NEIL2: variants seen among roughly 807,000 people sequenced by gnomAD.
NEIL2 encodes the protein nei like DNA glycosylase 2.
A neutral mutation model predicts 22.2 loss-of-function variants in NEIL2; 23 were observed. The observed-to-expected ratio is 1.04, with a 90% CI of 0.75 to 1.47. The LOEUF is 1.47. NEIL2 is among the 40% of genes most tolerant of loss of function. The probability of loss-of-function intolerance (pLI) is 0.00; values close to 1 mark genes in which losing one functional copy is unlikely to be tolerated. For synonymous variants in NEIL2, 229 were observed against 164.8 expected (o/e 1.39, Z -2.99); for missense variants, 583 against 404.7 (o/e 1.44, Z -3.78).
chr8:11,771,511 G>C lies in NEIL2; in HGVS notation c.64G>C (p.Val22Leu), dbSNP rs376675735. ...HLVSPFVGQQ[V>L]VKTGGSSKKL... ...GGTCTCCCCCTTTGTGGGTCAGCAG[G>C]TGGTCAAGACAGGGGGCAGCAGTAA... Residue 22 changes from valine to leucine, a missense_variant, in exon 2 of 5, where the codon GTG (valine) becomes CTG (leucine). By Grantham distance (32) the Val-to-Leu change is conservative. Coordinates refer to ENST00000284503, the MANE Select transcript of NEIL2 (RefSeq NM_145043.4). 1.9e-5 allele frequency: 31 copies of C among 1,614,154 alleles called. No individual in the cohort carries two copies. The African/African-American group carries it at 3.9e-4, about 20-fold the overall frequency.
chr8:11,783,423 A>G (rs1804623452), intron 4 of NEIL2, 24 bp downstream of exon 4: 1 of 1,603,190 alleles, frequency 6.2e-7, no homozygotes, highest in Non-Finnish European at 8.5e-7. Context: ...GAAAGGGGTG[A>G]GTCCACAGAG....
chr8:11,775,177 A>C (rs1387415501), intron 2 of NEIL2, among the ~76,000 whole-genome samples: 2 of 152,174 alleles, frequency 1.3e-5, no homozygotes, highest in Non-Finnish European at 2.9e-5. Flanking sequence ...CCTGCAGCAC[A>C]CCTCTGCCTG....
At chr8:11,783,124 G>A (rs1804583725) in intron 3 of NEIL2, 79 bp from the exon 4 acceptor site, 2 of 1,234,660 alleles carry the variant, frequency 1.6e-6, no homozygotes, top group Admixed American at 3.4e-5. Context: ...GTGTGTATGT[G>A]TGTATGACCC....
chr8:11,780,450 G>A (rs563384882), intron 3 of NEIL2, among the ~76,000 whole-genome samples: 5 of 152,216 alleles, frequency 3.3e-5, no homozygotes, highest in South Asian at 2.1e-4. Flanking sequence ...GCACGATCTC[G>A]CCTCACTGCA....
chr8:11,774,346 C>G (rs924313052), intron 2 of NEIL2, among the ~76,000 whole-genome samples: 3 of 152,090 alleles, frequency 2.0e-5, no homozygotes, highest in Admixed American at 1.3e-4. Flanking sequence ...GCGCTCCAGC[C>G]TCAGCAACAG....
rs1279000713 is a variant in NEIL2, at chr8:11,776,154, C to G, written c.139-3444C>G. 2.0e-5 allele frequency among the ~76,000 whole-genome samples: 3 copies of G among 152,150 alleles called. No individual in the cohort carries two copies. The East Asian group carries it at 5.8e-4, about 29-fold the overall frequency. On this transcript the variant is annotated intron_variant, in intron 2 of 4. Coordinates refer to ENST00000284503, the MANE Select transcript of NEIL2 (RefSeq NM_145043.4). ...CACAATTCCACATGTCTGGGGAGTCCTCATAATCATGGTGGAAGGCAAAGG... is the reference window on the plus strand; with the variant it reads ...CACAATTCCACATGTCTGGGGAGTCGTCATAATCATGGTGGAAGGCAAAGG...
At chr8:11,784,806 G>C (rs573298244) in intron 4 of NEIL2, among the ~76,000 whole-genome samples, 1 of 152,274 alleles carries the variant, frequency 6.6e-6, no homozygotes, top group Admixed American at 6.5e-5. Flanking sequence ...GGCAGGAGTA[G>C]AAAAATAATA....
Position 11,779,945 on chromosome 8 carries a change from C to T in NEIL2, c.486C>T (p.Ser162=), listed in dbSNP as rs748279367. Residue 162 remains serine, a synonymous_variant, in exon 3 of 5, where the codon TCC becomes TCT. Coordinates refer to ENST00000284503, the MANE Select transcript of NEIL2 (RefSeq NM_145043.4). ...AGAGGGGGGACTGGAGGGACCCTTCCCCGAGGTAATGGTGTGGCCATCTGA... is the reference window on the plus strand; with the variant it reads ...AGAGGGGGGACTGGAGGGACCCTTCTCCGAGGTAATGGTGTGGCCATCTGA... ...ANKRGDWRDP[S]PRLVLHFGGG... The T allele has an allele frequency of 2.2e-5, 35 of 1,613,332 alleles. No homozygotes were observed. The highest frequency in any genetic ancestry group is 4.4e-5 in the South Asian group (4 of 91,038).
chr8:11,775,226 T>G (rs1280718817), intron 2 of NEIL2, among the ~76,000 whole-genome samples: 1 of 152,238 alleles, frequency 6.6e-6, no homozygotes, highest in Non-Finnish European at 1.5e-5. Flanking sequence ...GAAATCTAGG[T>G]GGAGGTTTCC....
In NEIL2 at chr8:11,770,084, C is replaced by T. The variant is rs895109820; in HGVS notation, c.-254C>T. The T allele has an allele frequency of 6.6e-6, 1 of 152,104 alleles. No homozygotes were observed. The highest frequency in any genetic ancestry group is 1.5e-5 in the Non-Finnish European group (1 of 68,008). 9.4% of individuals were successfully genotyped at this position (152,104 alleles called of 1,614,324 possible). Reference sequence around the variant, plus strand: ...GCTGGCGCAGCGCCAGCCTCGAGCTCCTCGGTAGCCCCCGGGCAGGGAGGG... The same window carrying T: ...GCTGGCGCAGCGCCAGCCTCGAGCTTCTCGGTAGCCCCCGGGCAGGGAGGG... On this transcript the variant is annotated 5_prime_UTR_variant, in exon 1 of 5. Coordinates refer to ENST00000284503, the MANE Select transcript of NEIL2 (RefSeq NM_145043.4).
chr8:11,783,266 C>G lies in NEIL2; in HGVS notation c.555C>G (p.Ser185Arg). Residue 185 changes from serine (S) to arginine (R), a missense_variant, in exon 4 of 5, where the codon AGC (serine) becomes AGG (arginine). By Grantham distance (110) the Ser-to-Arg change is moderately radical (BLOSUM62 -1). Coordinates refer to ENST00000284503, the MANE Select transcript of NEIL2 (RefSeq NM_145043.4). ...LAFYNCQLSWSSSPVVTPTCD... is the reference protein window; with the variant it reads ...LAFYNCQLSWRSSPVVTPTCD... ...TTTATAATTGTCAGTTGTCTTGGAG[C>G]TCTTCCCCAGTGGTCACACCCACCT... 2.5e-6 allele frequency: 4 copies of G among 1,614,240 alleles called. No homozygotes were observed. Among genetic ancestry groups the G allele is most frequent in the Non-Finnish European group, 3.4e-6 (4 of 1,180,032 alleles).
intron 3 of NEIL2, 88 bp downstream of exon 3, chr8:11,780,038 A>G (rs1175833972): frequency 6.0e-6 from 7 of 1,158,362 alleles, no homozygotes; most frequent in Non-Finnish European, 8.9e-6. Flanking sequence ...GTGGGGACAT[A>G]CTGAGGACGT....
rs899384295 is a variant in NEIL2, at chr8:11,787,229, T to G, written c.*956T>G. The G allele has an allele frequency of 6.5e-6, 1 of 152,690 alleles. No homozygotes were observed. Among genetic ancestry groups the G allele is most frequent in the African/African-American group, 2.4e-5 (1 of 41,438 alleles). The allele number at this position is 152,690 out of a possible 1,614,324, so 9.5% of individuals were successfully genotyped here. Reference sequence around the variant, plus strand: ...CTCCTTAAGTCAATGTATTGGTGACTGTTGATTTGTTGAACAATTCAGGAA... The same window carrying G: ...CTCCTTAAGTCAATGTATTGGTGACGGTTGATTTGTTGAACAATTCAGGAA... On this transcript the variant is annotated 3_prime_UTR_variant, in exon 5 of 5. Transcript: ENST00000284503.
At chr8:11,776,372 C>G (rs1803904778) in intron 2 of NEIL2, among the ~76,000 whole-genome samples, 1 of 152,186 alleles carries the variant, frequency 6.6e-6, no homozygotes, top group Admixed American at 6.5e-5. Flanking sequence ...AGCTAAAATT[C>G]AAGATGAGAT....
Position 11,772,206 on chromosome 8 carries a change from AAAAAG to A in NEIL2, c.138+633_138+637del, listed in dbSNP as rs555296143. Among the ~76,000 whole-genome samples the A allele has an allele frequency of 3.4e-4, 51 of 152,136 alleles. 2 individuals are homozygous for A. The South Asian group carries it at 8.1e-3, about 24-fold the overall frequency. On this transcript the variant is annotated intron_variant, in intron 2 of 4. Coordinates refer to ENST00000284503, the MANE Select transcript of NEIL2 (RefSeq NM_145043.4). ...TGACAGAGTGAGACTCCGTCTCAAA[AAAAAG>A]AAAAGAAAAGAGCAGAACCTTCAGA...
intron 3 of NEIL2, 144 bp from the exon 4 acceptor site, chr8:11,783,059 G>GTAGAACCCCCATAC (rs1804574794): frequency 2.7e-6 from 2 of 745,834 alleles, no homozygotes; most frequent in Non-Finnish European, 4.9e-6. Context: ...ATGTCTGTAT[G>GTAGAACCCCCATAC]TGTGTATGAT....
In NEIL2 at chr8:11,786,570, A is replaced by T. The variant is rs1448147723; in HGVS notation, c.*297A>T. 4.2e-6 allele frequency: 2 copies of T among 478,508 alleles called. No homozygotes were observed. The highest frequency in any genetic ancestry group is 3.8e-6 in the Non-Finnish European group (1 of 262,528). 29.6% of individuals were successfully genotyped at this position (478,508 alleles called of 1,614,324 possible). A position where few individuals can be genotyped will look rare whatever the true frequency, so the allele number is the denominator to read the frequency against. ...CTTCCCGGAAGGCAATGGGGCAAGG[A>T]AAAAGAAAGCCTATGGGAAATGGCT... On this transcript the variant is annotated 3_prime_UTR_variant, in exon 5 of 5. Coordinates refer to ENST00000284503, the MANE Select transcript of NEIL2 (RefSeq NM_145043.4).
chr8:11,773,333 AG>A (rs1212782594), intron 2 of NEIL2, among the ~76,000 whole-genome samples: 3 of 152,154 alleles, frequency 2.0e-5, no homozygotes, highest in Non-Finnish European at 4.4e-5. Context: ...AGGGAACCTA[AG>A]GTTGCAGGGA....
intron 2 of NEIL2, among the ~76,000 whole-genome samples, chr8:11,773,570 C>T (rs1160382856): frequency 6.6e-6 from 1 of 152,026 alleles, no homozygotes; most frequent in Non-Finnish European, 1.5e-5. Context: ...AGAAGATGTG[C>T]AGGAGGTAGG....
Sources: gnomAD v4.1 joint callset for allele counts (sites outside exome capture counted in the v4.1 genomes callset) on GRCh38, gnomAD v4.1.1 for gene constraint, MANE v1.5 for transcripts, NCBI Gene and HGNC (gene_info 2026-07-23, HGNC 2026-07-21) for gene names.